Variants in CASQ2 observed in about 807,000 individuals in gnomAD.
The protein encoded by CASQ2 is calsequestrin 2.
Under a neutral mutation model 46.5 loss-of-function variants are expected in CASQ2, and 49 were observed. That is an observed-to-expected ratio of 1.05 (90% confidence interval 0.84 to 1.34). The LOEUF (loss-of-function observed/expected upper bound fraction) is 1.34. Ranked by LOEUF, CASQ2 falls within the 40% of genes most tolerant of loss-of-function variation. The pLI is 0.00. For missense variants in CASQ2, 486 were observed against 481.3 expected (o/e 1.01, Z -0.09); for synonymous variants, 174 against 168.5 (o/e 1.03, Z -0.25).
At chr1:115,725,359 A>G in intron 7 of CASQ2, 149 bp downstream of exon 7, 3 of 926,434 alleles carry the variant, frequency 3.2e-6, no homozygotes, top group Admixed American at 1.8e-5. Flanking sequence ...GAGCCGTCGT[A>G]CCCAATCTGT....
At chr1:115,714,483 TGTTA>T (rs747450233) in intron 8 of CASQ2, among the ~76,000 whole-genome samples, 54 of 152,320 alleles carry the variant, frequency 3.5e-4, no homozygotes, top group Non-Finnish European at 6.3e-4. Context: ...TCCTCAATAC[TGTTA>T]GTTCTTTAAG....
intron 7 of CASQ2, among the ~76,000 whole-genome samples, chr1:115,721,115 T>C (rs572187398): frequency 2.0e-5 from 3 of 152,350 alleles, no homozygotes; most frequent in South Asian, 2.1e-4. Flanking sequence ...TGGAGTGACC[T>C]AGATGCTTGT....
chr1:115,749,451 C>T (rs531009824), intron 1 of CASQ2, among the ~76,000 whole-genome samples: 166 of 152,290 alleles, frequency 1.1e-3, no homozygotes, highest in Middle Eastern at 6.8e-3. Context: ...CAATCACTGT[C>T]CTGTGCCATA....
intron 7 of CASQ2, among the ~76,000 whole-genome samples, chr1:115,720,749 TG>T (rs777588117): frequency 2.6e-5 from 4 of 152,210 alleles, no homozygotes; most frequent in African/African-American, 4.8e-5. Context: ...GTGAGCATGC[TG>T]GGCTGGCGTT....
chr1:115,766,561 C>T (rs758642895), intron 1 of CASQ2, among the ~76,000 whole-genome samples: 23 of 152,120 alleles, frequency 1.5e-4, no homozygotes, highest in African/African-American at 2.7e-4. Context: ...TGAGAAATTA[C>T]GTAATTTGCC....
chr1:115,731,257 G>A (rs541862555), intron 5 of CASQ2, among the ~76,000 whole-genome samples: 31 of 152,260 alleles, frequency 2.0e-4, no homozygotes, highest in African/African-American at 7.2e-4. Context: ...AGTTGCACTA[G>A]GAGGCACTTC....
intron 1 of CASQ2, among the ~76,000 whole-genome samples, chr1:115,764,007 T>C (rs1197354445): frequency 6.6e-6 from 1 of 151,812 alleles, no homozygotes; most frequent in Non-Finnish European, 1.5e-5. Flanking sequence ...TGGTGGAAGC[T>C]GTAAGAGACA....
intron 5 of CASQ2, among the ~76,000 whole-genome samples, chr1:115,730,937 C>T (rs568408833): frequency 6.6e-6 from 1 of 152,246 alleles, no homozygotes; most frequent in East Asian, 1.9e-4. Context: ...TCCTAGCACT[C>T]CCTGCTGGAA....
chr1:115,745,123 C>T (rs544600295), intron 1 of CASQ2, among the ~76,000 whole-genome samples: 1 of 152,308 alleles, frequency 6.6e-6, no homozygotes, highest in Non-Finnish European at 1.5e-5. Flanking sequence ...GAGGGAAAAT[C>T]TGAGGAGCAG....
chr1:115,767,523 G>A (rs907275387), intron 1 of CASQ2, among the ~76,000 whole-genome samples: 4 of 152,058 alleles, frequency 2.6e-5, no homozygotes, highest in African/African-American at 9.7e-5. Flanking sequence ...GAGGCATCTT[G>A]GTGCCCACTA....
intron 1 of CASQ2, among the ~76,000 whole-genome samples, chr1:115,754,671 T>C (rs60464721): frequency 0.068 from 10,425 of 152,220 alleles, 1,216 homozygotes; most frequent in African/African-American, 0.24. Flanking sequence ...AACTTTCATC[T>C]GTTACCTTTT....
chr1:115,748,627 T>C (rs1570844350), intron 1 of CASQ2, among the ~76,000 whole-genome samples: 1 of 152,128 alleles, frequency 6.6e-6, no homozygotes, highest in East Asian at 1.9e-4. Context: ...GTTGAGATTT[T>C]CTGCAGTGCC....
At chr1:115,750,370 T>A (rs374776634) in intron 1 of CASQ2, among the ~76,000 whole-genome samples, 20 of 152,374 alleles carry the variant, frequency 1.3e-4, no homozygotes, top group African/African-American at 4.8e-4. Flanking sequence ...GGTTGTCTCT[T>A]ATCGGTTGGT....
intron 1 of CASQ2, among the ~76,000 whole-genome samples, chr1:115,750,374 G>C (rs577194096): frequency 3.9e-5 from 6 of 152,150 alleles, no homozygotes; most frequent in Non-Finnish European, 8.8e-5. Context: ...GTCTCTTATC[G>C]GTTGGTTATA....
chr1:115,733,870 T>C (rs751611494), intron 4 of CASQ2, among the ~76,000 whole-genome samples: 9 of 152,238 alleles, frequency 5.9e-5, no homozygotes, highest in Non-Finnish European at 1.2e-4. Flanking sequence ...TCTGGGACCA[T>C]GCAGAATTTA....
chr1:115,740,676 T>C lies in CASQ2; in HGVS notation c.420+52A>G, dbSNP rs1025416126. On this transcript the variant is annotated intron_variant, in intron 3 of 10. Coordinates refer to ENST00000261448, the MANE Select transcript of CASQ2 (RefSeq NM_001232.4). Reference sequence around the variant, plus strand: ...CTTTCTTTGGGGTTCTATCTCTCCCTATATTTGAGGAGAGGCAGCTCCATG... The same window carrying C: ...CTTTCTTTGGGGTTCTATCTCTCCCCATATTTGAGGAGAGGCAGCTCCATG... 2.8e-5 allele frequency: 31 copies of C among 1,122,724 alleles called. No homozygotes were observed. In the East Asian group the frequency reaches 7.1e-4, roughly 26 times the overall value. 69.5% of individuals were successfully genotyped at this position (1,122,724 alleles called of 1,614,324 possible).
intron 8 of CASQ2, among the ~76,000 whole-genome samples, chr1:115,716,655 C>T (rs1013454142): frequency 4.6e-5 from 7 of 152,148 alleles, no homozygotes; most frequent in Non-Finnish European, 1.0e-4. Context: ...GTTTGAGGTT[C>T]TTGAAAGCAT....
chr1:115,736,600 G>C (rs1016194155), intron 4 of CASQ2, among the ~76,000 whole-genome samples: 4 of 152,110 alleles, frequency 2.6e-5, no homozygotes, highest in African/African-American at 7.2e-5. Context: ...TCATGCCACT[G>C]CACTCCAGCC....
chr1:115,735,142 T>C (rs1274634007), intron 4 of CASQ2, among the ~76,000 whole-genome samples: 2 of 152,196 alleles, frequency 1.3e-5, no homozygotes, highest in African/African-American at 4.8e-5. Flanking sequence ...CAAATAATAT[T>C]TATTCAGAGA....
Sources: gnomAD v4.1 joint callset for allele counts (sites outside exome capture counted in the v4.1 genomes callset) on GRCh38, gnomAD v4.1.1 for gene constraint, MANE v1.5 for transcripts, NCBI Gene and HGNC (gene_info 2026-07-23, HGNC 2026-07-21) for gene names.